BLK: variants seen among roughly 807,000 people sequenced by gnomAD.
BLK encodes the protein BLK proto-oncogene, Src family tyrosine kinase, also known as tyrosine-protein kinase Blk.
In BLK, 64 loss-of-function variants were observed where a neutral mutation model predicts 61.8. The observed-to-expected ratio is 1.03, with a 90% CI of 0.85 to 1.27. The LOEUF is 1.27. BLK is among the 50% of genes most tolerant of loss of function. BLK has a pLI of 0.00. For missense variants in BLK, 853 were observed against 660.5 expected, an observed-to-expected ratio of 1.29 and a Z score of -3.19; for synonymous variants, 351 against 272.0, an observed-to-expected ratio of 1.29 and a Z score of -2.86.
rs186155258 is a variant in BLK at position 11,515,087 on chromosome 8, C to T, written c.-2+20496C>T. Among the ~76,000 whole-genome samples, 57 of 152,312 alleles carry T rather than the reference C, an allele frequency of 3.7e-4. 1 individual carries two copies. Among genetic ancestry groups the T allele is most frequent in the Non-Finnish European group, 5.1e-4 (35 of 68,020 alleles). ...CACACAGGCCAGCAGTCACTGCAAA[C>T]GCCCAGTTGCAATGCACCAAGAACT... On this transcript the variant is annotated intron_variant, in intron 1 of 12. Coordinates refer to ENST00000259089, the MANE Select transcript of BLK (RefSeq NM_001715.3).
At chr8:11,550,129 T>C (rs751765814) in intron 5 of BLK, 30 bp from the exon 6 acceptor site, 5 of 1,590,048 alleles carry the variant, frequency 3.1e-6, no homozygotes, top group Middle Eastern at 1.7e-4. Flanking sequence ...AGGGTCGCTC[T>C]GAGTTTCACC....
chr8:11,504,341 G>GAGGGAGGA (rs1392175072), intron 1 of BLK, among the ~76,000 whole-genome samples: 6 of 125,926 alleles, frequency 4.8e-5, no homozygotes, highest in African/African-American at 2.0e-4. Flanking sequence ...GAAAGGAAGG[G>GAGGGAGGA]AGGAAGGAAG....
intron 1 of BLK, among the ~76,000 whole-genome samples, chr8:11,514,421 A>G (rs1799143157): frequency 6.6e-6 from 1 of 152,198 alleles, no homozygotes; most frequent in African/African-American, 2.4e-5. Flanking sequence ...GAGCCCCGCA[A>G]TGGCCTCCCC....
At chr8:11,497,192 A>C (rs1272917735) in intron 1 of BLK, among the ~76,000 whole-genome samples, 1 of 152,242 alleles carries the variant, frequency 6.6e-6, no homozygotes. Context: ...ACTGAGATGG[A>C]AATCAATCAC....
At chr8:11,558,190 C>T (rs892123959) in intron 10 of BLK, 152 bp downstream of exon 10, 7 of 766,042 alleles carry the variant, frequency 9.1e-6, no homozygotes, top group Admixed American at 2.0e-5. Context: ...TCCCCAAGGT[C>T]ACCCACTGCA....
intron 1 of BLK, among the ~76,000 whole-genome samples, chr8:11,529,768 C>T (rs1456647168): frequency 1.3e-5 from 2 of 152,212 alleles, no homozygotes; most frequent in Admixed American, 6.5e-5. Context: ...TGACCAAGGA[C>T]AGCTTGGAGG....
intron 1 of BLK, among the ~76,000 whole-genome samples, chr8:11,496,969 G>A (rs919962438): frequency 5.9e-5 from 9 of 152,048 alleles, no homozygotes; most frequent in African/African-American, 9.7e-5. Context: ...ACTGGCCACC[G>A]GTGGCCAGCA....
At chr8:11,547,355 C>T (rs1800692401) in intron 3 of BLK, among the ~76,000 whole-genome samples, 1 of 152,230 alleles carries the variant, frequency 6.6e-6, no homozygotes, top group African/African-American at 2.4e-5. Flanking sequence ...TAAGTGCTCT[C>T]CAGGTGACCT....
intron 1 of BLK, among the ~76,000 whole-genome samples, chr8:11,506,590 T>C (rs1210047133): frequency 2.0e-5 from 3 of 152,194 alleles, no homozygotes; most frequent in Non-Finnish European, 4.4e-5. Flanking sequence ...ACATCTCTGT[T>C]GGGGAGAGGA....
chr8:11,517,530 T>C (rs1799275666), intron 1 of BLK, among the ~76,000 whole-genome samples: 1 of 152,206 alleles, frequency 6.6e-6, no homozygotes, highest in Non-Finnish European at 1.5e-5. Flanking sequence ...CCAGATGTTT[T>C]CAGGTTCCCA....
chr8:11,539,781 G>C (rs1301246220), intron 1 of BLK, among the ~76,000 whole-genome samples: 1 of 152,158 alleles, frequency 6.6e-6, no homozygotes, highest in Non-Finnish European at 1.5e-5. Flanking sequence ...TAGAAATGGA[G>C]CGTGAAGGAA....
chr8:11,514,759 G>A (rs1173269192), intron 1 of BLK, among the ~76,000 whole-genome samples: 4 of 152,168 alleles, frequency 2.6e-5, no homozygotes, highest in African/African-American at 4.8e-5. Context: ...CTCCATTCCA[G>A]CCCTGGCTGA....
chr8:11,495,867 A>G (rs1798343491), intron 1 of BLK, among the ~76,000 whole-genome samples: 1 of 152,356 alleles, frequency 6.6e-6, no homozygotes, highest in Non-Finnish European at 1.5e-5. Context: ...TAAGGTGTTC[A>G]CATTAGAAGA....
chr8:11,542,642 C>T (rs768332311), intron 1 of BLK, among the ~76,000 whole-genome samples: 2 of 152,228 alleles, frequency 1.3e-5, no homozygotes, highest in African/African-American at 2.4e-5. Context: ...CATCTTCCCC[C>T]CTTTAAGGAG....
chr8:11,513,430 G>C (rs1384414291), intron 1 of BLK, among the ~76,000 whole-genome samples: 1 of 152,174 alleles, frequency 6.6e-6, no homozygotes, highest in African/African-American at 2.4e-5. Flanking sequence ...GCTCCTTTAG[G>C]GCATGAGAGT....
intron 8 of BLK, 74 bp from the exon 9 acceptor site, chr8:11,556,584 C>T (rs1240592213): frequency 1.8e-5 from 29 of 1,592,920 alleles, no homozygotes; most frequent in East Asian, 1.6e-4. Context: ...GCACTTACCC[C>T]GATTTTGGTT....
chr8:11,523,663 C>G (rs1267639861), intron 1 of BLK, among the ~76,000 whole-genome samples: 1 of 152,132 alleles, frequency 6.6e-6, no homozygotes, highest in Non-Finnish European at 1.5e-5. Flanking sequence ...ATAAAGAGGT[C>G]TTCCATATCA....
Position 11,550,238 on chromosome 8 carries a change from A to G in BLK, c.448A>G (p.Ile150Val), listed in dbSNP as rs1264102289. Reference sequence around the variant, plus strand: ...AATCAACAAGGCCGGCTCCTTTCTTATCAGAGAGAGTGAAACCAACAAAGG... The same window carrying G: ...AATCAACAAGGCCGGCTCCTTTCTTGTCAGAGAGAGTGAAACCAACAAAGG... ...APINKAGSFL[I>V]RESETNKGAF... The change falls in exon 6 of 13, where the codon ATC becomes GTC. Residue 150 changes from isoleucine to valine, a missense_variant. Physicochemically the swap from Ile to Val is conservative, Grantham distance 29 (BLOSUM62 3). Transcript: ENST00000259089. 5 of 1,613,898 alleles carry G rather than the reference A, an allele frequency of 3.1e-6. No individual in the cohort carries two copies. Among genetic ancestry groups the G allele is most frequent in the Non-Finnish European group, 4.2e-6 (5 of 1,180,010 alleles).
chr8:11,561,387 T>C lies in BLK; in HGVS notation c.1115T>C (p.Leu372Ser), dbSNP rs554284389. ...RAANILVSEA[L>S]CCKIADFGLA... ...GCCAACATCCTGGTGTCTGAGGCCT[T>C]GTGCTGCAAAATTGCTGATTTTGGC... Residue 372 changes from leucine (L) to serine (S), a missense_variant, in exon 11 of 13, where the codon TTG (leucine) becomes TCG (serine). Coordinates refer to ENST00000259089, the MANE Select transcript of BLK (RefSeq NM_001715.3). The C allele has an allele frequency of 7.4e-6, 12 of 1,613,996 alleles. No individual in the cohort carries two copies. The highest frequency in any genetic ancestry group is 1.7e-5 in the Admixed American group (1 of 59,992).
Sources: gnomAD v4.1 joint callset for allele counts (sites outside exome capture counted in the v4.1 genomes callset) on GRCh38, gnomAD v4.1.1 for gene constraint, MANE v1.5 for transcripts, NCBI Gene and HGNC (gene_info 2026-07-23, HGNC 2026-07-21) for gene names.